The following ANO3 variants were observed in gnomAD, a reference collection of about 807,000 sequenced individuals.
ANO3 encodes anoctamin-3.
Under a neutral mutation model 144.8 loss-of-function variants are expected in ANO3, and 99 were observed. The ratio of observed to expected loss-of-function variants is 0.68; its 90% CI spans 0.58 to 0.81. The LOEUF (loss-of-function observed/expected upper bound fraction) is 0.81. ANO3 is among the 30% of genes least tolerant of loss of function. The probability of loss-of-function intolerance (pLI) is 0.00; values close to 1 mark genes in which losing one functional copy is unlikely to be tolerated. For missense variants in ANO3, 905 were observed against 1,202.2 expected, an observed-to-expected ratio of 0.75 and a Z score of 3.66; for synonymous variants, 414 against 392.6, an observed-to-expected ratio of 1.05 and a Z score of -0.64.
chr11:26,351,314 C>G (rs537500511), intron 1 of ANO3, among the ~76,000 whole-genome samples: 1 of 152,150 alleles, frequency 6.6e-6, no homozygotes, highest in African/African-American at 2.4e-5. Flanking sequence ...TTACCCTGCT[C>G]TGTTTTTATC....
chr11:26,598,394 A>C lies in ANO3; in HGVS notation c.1477A>C (p.Arg493=). Residue 493 remains arginine, a synonymous_variant, in exon 15 of 27, where the codon AGA becomes CGA. Transcript: ENST00000256737. ...ATVFLEFWKR[R]RSILTYTWDL... The stretch of plus-strand genomic sequence containing the variant: ...AGTCTTCCTGGAGTTTTGGAAAAGG[A>C]GAAGGAGTATACTGACCTATACTTG... 6.4e-7 allele frequency: 1 copy of C among 1,565,612 alleles called. No individual in the cohort carries two copies. Among genetic ancestry groups the C allele is most frequent in the Non-Finnish European group, 8.6e-7 (1 of 1,157,262 alleles).
At chr11:26,251,860 G>A (rs1201433237) in intron 1 of ANO3, among the ~76,000 whole-genome samples, 1 of 152,152 alleles carries the variant, frequency 6.6e-6, no homozygotes, top group Non-Finnish European at 1.5e-5. Context: ...CAGCATGGGG[G>A]AAACTGCCCC....
chr11:26,551,048 G>A (rs448290), intron 12 of ANO3, among the ~76,000 whole-genome samples: 100,080 of 151,714 alleles, frequency 0.66, 33,301 homozygotes, highest in East Asian at 0.83. Context: ...TATCCATAAT[G>A]CCCTACTGGT....
chr11:26,429,946 T>A, intron 1 of ANO3, among the ~76,000 whole-genome samples: 2 of 150,942 alleles, frequency 1.3e-5, no homozygotes, highest in South Asian at 4.2e-4. Context: ...GGACAAAAAG[T>A]AAAAGTACTG....
intron 1 of ANO3, among the ~76,000 whole-genome samples, chr11:26,207,278 C>T (rs1467876561): frequency 6.6e-6 from 1 of 152,028 alleles, no homozygotes; most frequent in African/African-American, 2.4e-5. Context: ...AAATGGCTTA[C>T]AAAAAATCAG....
chr11:26,341,027 A>G (rs1360651686), intron 1 of ANO3, among the ~76,000 whole-genome samples: 1 of 152,096 alleles, frequency 6.6e-6, no homozygotes, highest in Non-Finnish European at 1.5e-5. Context: ...TAGGCCCTGA[A>G]CAAAGTTAGT....
At chr11:26,551,543 G>T (rs1428300884) in intron 12 of ANO3, among the ~76,000 whole-genome samples, 4 of 151,962 alleles carry the variant, frequency 2.6e-5, no homozygotes, top group South Asian at 2.1e-4. Flanking sequence ...GCAGTAAAAA[G>T]ATTCTGGAAT....
intron 6 of ANO3, among the ~76,000 whole-genome samples, chr11:26,523,371 A>G (rs147982361): frequency 6.6e-6 from 1 of 152,294 alleles, no homozygotes; most frequent in East Asian, 1.9e-4. Context: ...AAAACCTCTC[A>G]TATCTTTTTG....
chr11:26,312,131 G>T (rs1291060614), intron 1 of ANO3, among the ~76,000 whole-genome samples: 1 of 152,204 alleles, frequency 6.6e-6, no homozygotes, highest in Non-Finnish European at 1.5e-5. Flanking sequence ...TGCTCAGAAT[G>T]ATGGTTTCCA....
chr11:26,253,747 C>G (rs777580518), intron 1 of ANO3, among the ~76,000 whole-genome samples: 5 of 152,086 alleles, frequency 3.3e-5, no homozygotes, highest in Non-Finnish European at 5.9e-5. Flanking sequence ...AAGCTGGGAT[C>G]TGAGGCCAGA....
intron 4 of ANO3, among the ~76,000 whole-genome samples, chr11:26,464,119 A>T (rs1335101783): frequency 1.3e-5 from 2 of 152,022 alleles, no homozygotes; most frequent in East Asian, 3.9e-4. Context: ...CCAGTGTGTT[A>T]GTAAATAAAT....
At chr11:26,319,773 C>G (rs1450674375) in intron 1 of ANO3, among the ~76,000 whole-genome samples, 1 of 151,888 alleles carries the variant, frequency 6.6e-6, no homozygotes, top group Non-Finnish European at 1.5e-5. Flanking sequence ...CATTTTACCA[C>G]CTTATTTATT....
intron 1 of ANO3, among the ~76,000 whole-genome samples, chr11:26,383,888 C>CTTGTGCCATGCATTGTTCTT (rs1856650885): frequency 1.4e-5 from 1 of 70,148 alleles, no homozygotes. Context: ...ATGCATTGTT[C>CTTGTGCCATGCATTGTTCTT]TTTTTTTTTT....
At chr11:26,419,806 G>T (rs1590343961) in intron 1 of ANO3, among the ~76,000 whole-genome samples, 1 of 152,192 alleles carries the variant, frequency 6.6e-6, no homozygotes, top group East Asian at 1.9e-4. Flanking sequence ...TGTTTTTATG[G>T]TGAGGAAGGT....
chr11:26,402,884 G>A (rs1007887547), intron 1 of ANO3, among the ~76,000 whole-genome samples: 3 of 151,860 alleles, frequency 2.0e-5, no homozygotes, highest in African/African-American at 4.8e-5. Flanking sequence ...AGTGAGGAAC[G>A]TTTCTTTTCT....
intron 1 of ANO3, among the ~76,000 whole-genome samples, chr11:26,430,834 T>G (rs1009936853): frequency 6.6e-6 from 1 of 152,214 alleles, no homozygotes; most frequent in African/African-American, 2.4e-5. Flanking sequence ...TTGTCCAAAT[T>G]GACTCCAGTG....
intron 1 of ANO3, among the ~76,000 whole-genome samples, chr11:26,248,848 C>A (rs1468782262): frequency 1.3e-5 from 2 of 152,116 alleles, no homozygotes; most frequent in Non-Finnish European, 2.9e-5. Context: ...GATGAGCATG[C>A]CTGACCACCT....
chr11:26,348,273 A>G (rs1855546357), intron 1 of ANO3, among the ~76,000 whole-genome samples: 1 of 152,218 alleles, frequency 6.6e-6, no homozygotes, highest in East Asian at 1.9e-4. Flanking sequence ...CCACAACAGT[A>G]CTGATACTTT....
At chr11:26,330,361 C>A (rs912338253), upstream of ANO3, among the ~76,000 whole-genome samples, 1 of 152,098 alleles carries the variant, frequency 6.6e-6, no homozygotes, top group Admixed American at 6.5e-5. Flanking sequence ...AAAGCCCTTA[C>A]GGAGACAGTC....
Sources: allele counts gnomAD v4.1 joint callset (sites outside exome capture counted in the v4.1 genomes callset), GRCh38; gene constraint gnomAD v4.1.1; transcripts MANE v1.5; gene names NCBI Gene and HGNC (gene_info 2026-07-23, HGNC 2026-07-21).